The following NRXN1 variants were observed in gnomAD, a reference collection of about 807,000 sequenced individuals.
NRXN1 encodes the protein neurexin-1.
NRXN1 carries 39 observed loss-of-function variants against 150.9 expected under a neutral mutation model. That is an observed-to-expected ratio of 0.26 (90% CI 0.20 to 0.34). The LOEUF is 0.34. Ranked by LOEUF, NRXN1 falls within the 10% of genes least tolerant of loss-of-function variation. The pLI is 1.00. For synonymous variants in NRXN1, 924 were observed against 757.0 expected, an observed-to-expected ratio of 1.22 and a Z score of -3.62; for missense variants, 1,815 against 1,949.9, an observed-to-expected ratio of 0.93 and a Z score of 1.30.
Position 50,827,768 on chromosome 2 carries a change from G to C in NRXN1, c.832+94101C>G, listed in dbSNP as rs1025794173. Among the ~76,000 whole-genome samples the C allele has an allele frequency of 2.0e-5, 3 of 151,410 alleles. No homozygotes were observed. The South Asian group carries it at 6.3e-4, about 32-fold the overall frequency. On this transcript the variant is annotated intron_variant, in intron 5 of 22. Coordinates refer to ENST00000401669, the MANE Select transcript of NRXN1 (RefSeq NM_001330078.2). ...GACCCTGCGGCCTTCCGCAGTGTTT[G>C]TGTCCCTGGGTACTTGAGATTAGGG...
At chr2:50,908,421 CAGA>C (rs779872328) in intron 5 of NRXN1, among the ~76,000 whole-genome samples, 2 of 150,888 alleles carry the variant, frequency 1.3e-5, no homozygotes, top group Non-Finnish European at 3.0e-5. Context: ...ATGGCATTAA[CAGA>C]AGTATTATTT....
chr2:49,955,203 T>A (rs1400774546), intron 21 of NRXN1, among the ~76,000 whole-genome samples: 2 of 152,150 alleles, frequency 1.3e-5, no homozygotes, highest in African/African-American at 4.8e-5. Flanking sequence ...ATTGTCACAA[T>A]TGCTCATTTA....
At chr2:50,863,306 T>C (rs1407670296) in intron 5 of NRXN1, among the ~76,000 whole-genome samples, 1 of 152,024 alleles carries the variant, frequency 6.6e-6, no homozygotes, top group Non-Finnish European at 1.5e-5. Context: ...CTAAGATAAA[T>C]TATTACACCA....
intron 5 of NRXN1, among the ~76,000 whole-genome samples, chr2:50,823,997 A>T (rs1355718860): frequency 6.6e-6 from 1 of 152,202 alleles, no homozygotes; most frequent in East Asian, 1.9e-4. Context: ...TGCCTCACAC[A>T]CACAATGAAC....
At chr2:50,705,094 C>A (rs888384671) in intron 5 of NRXN1, among the ~76,000 whole-genome samples, 1 of 150,726 alleles carries the variant, frequency 6.6e-6, no homozygotes, top group Non-Finnish European at 1.5e-5. Context: ...CCAGGAACTG[C>A]CGATTTCTAG....
At chr2:50,865,258 G>A (rs1676716278) in intron 5 of NRXN1, among the ~76,000 whole-genome samples, 2 of 151,934 alleles carry the variant, frequency 1.3e-5, no homozygotes, top group African/African-American at 2.4e-5. Flanking sequence ...GGGAAAGGAA[G>A]CTCTTAGACT....
At chr2:50,209,696 T>C (rs902849298) in intron 18 of NRXN1, among the ~76,000 whole-genome samples, 1 of 152,082 alleles carries the variant, frequency 6.6e-6, no homozygotes, top group African/African-American at 2.4e-5. Flanking sequence ...AAATAAGACA[T>C]GTTTCAATAA....
chr2:50,260,771 A>G (rs1406549582), intron 17 of NRXN1, among the ~76,000 whole-genome samples: 4 of 151,474 alleles, frequency 2.6e-5, no homozygotes, highest in African/African-American at 9.7e-5. Flanking sequence ...GAAGAACTAA[A>G]CCATAGCAGC....
chr2:50,166,614 T>C (rs1305445111), intron 18 of NRXN1, among the ~76,000 whole-genome samples: 4 of 152,176 alleles, frequency 2.6e-5, no homozygotes, highest in Non-Finnish European at 5.9e-5. Flanking sequence ...GTTTTTTGGC[T>C]ACTAACTTTG....
At position 50,424,871 on chromosome 2, in the gene NRXN1, C is replaced by T. The variant is rs60671452; in HGVS notation, c.3364+40571G>A. 3.1e-3 allele frequency among the ~76,000 whole-genome samples: 468 copies of T among 152,052 alleles called. 6 individuals are homozygous for T. The highest frequency in any genetic ancestry group is 0.014 in the Middle Eastern group (4 of 294). ...TTAATACCAGTAATATCAGTTATTT[C>T]GTATTGCATAATATTTTTCTGTTAA... On this transcript the variant is annotated intron_variant, in intron 17 of 22. Coordinates refer to ENST00000401669, the MANE Select transcript of NRXN1 (RefSeq NM_001330078.2).
At chr2:50,071,934 A>T (rs1379859119) in intron 19 of NRXN1, among the ~76,000 whole-genome samples, 1 of 152,194 alleles carries the variant, frequency 6.6e-6, no homozygotes, top group Admixed American at 6.5e-5. Flanking sequence ...TTTTGCTGCA[A>T]ATTGTAATAT....
At position 51,027,843 on chromosome 2, in the gene NRXN1, C is replaced by T. The variant is rs2105330436; in HGVS notation, c.431G>A (p.Arg144His). 3 of 1,613,334 alleles carry T rather than the reference C, an allele frequency of 1.9e-6. No individual in the cohort carries two copies. Among genetic ancestry groups the T allele is most frequent in the Non-Finnish European group, 2.5e-6 (3 of 1,179,714 alleles). The change falls in exon 2 of 23, where the codon CGC becomes CAC. Residue 144 changes from arginine (R) to histidine (H), a missense_variant. Transcript: ENST00000401669. ...GCCGCTGAACACCGTCATGTCCCTGCGCTTGGACTTGACCTCCACCCACTT... is the reference window on the plus strand; with the variant it reads ...GCCGCTGAACACCGTCATGTCCCTGTGCTTGGACTTGACCTCCACCCACTT... ...EAKWVEVKSK[R>H]RDMTVFSGLF... is the part of the protein sequence containing the mutation.
intron 21 of NRXN1, among the ~76,000 whole-genome samples, chr2:50,005,727 T>A (rs1160388689): frequency 6.6e-6 from 1 of 152,122 alleles, no homozygotes; most frequent in African/African-American, 2.4e-5. Context: ...TGCTCAAAAT[T>A]ATTCACTTCC....
chr2:51,028,047 C>G lies in NRXN1; in HGVS notation c.227G>C (p.Cys76Ser), dbSNP rs1670875562. ...CGTCAGAATCAGCTCCAGGAAGTCG[C>G]AGAAGCCCTCGTCGTCGAAGTAGAG... The part of the protein sequence containing the change: ...LVLYFDDEGF[C>S]DFLELILTRG... The change falls in exon 2 of 23, where the codon TGC becomes TCC. Residue 76 changes from cysteine (C) to serine (S), a missense_variant. By Grantham distance (112) the Cys-to-Ser change is moderately radical. Around this residue, in one of 6 missense-constraint regions of NRXN1, gnomAD observed 554 missense variants for 478.8 expected, o/e 1.16. Transcript: ENST00000401669. 1 of 1,598,820 alleles carries G rather than the reference C, an allele frequency of 6.3e-7. No homozygotes were observed. Among genetic ancestry groups the G allele is most frequent in the Non-Finnish European group, 8.5e-7 (1 of 1,176,542 alleles).
intron 19 of NRXN1, among the ~76,000 whole-genome samples, chr2:50,059,741 G>A (rs963929484): frequency 1.3e-5 from 2 of 152,202 alleles, no homozygotes; most frequent in Non-Finnish European, 2.9e-5. Context: ...GTGGCTAAAA[G>A]GGGCAAATGT....
At chr2:50,050,750 G>C (rs1450817444) in intron 21 of NRXN1, among the ~76,000 whole-genome samples, 1 of 150,316 alleles carries the variant, frequency 6.7e-6, no homozygotes, top group Non-Finnish European at 1.5e-5. Flanking sequence ...AAATTATTCT[G>C]TCACTCAAAT....
chr2:50,293,108 C>A (rs944634315), intron 17 of NRXN1, among the ~76,000 whole-genome samples: 2 of 152,136 alleles, frequency 1.3e-5, no homozygotes, highest in African/African-American at 4.8e-5. Flanking sequence ...TCAAATATTG[C>A]TGGCTTTCTG....
intron 18 of NRXN1, among the ~76,000 whole-genome samples, chr2:50,144,586 C>A (rs547299128): frequency 6.6e-6 from 1 of 151,780 alleles, no homozygotes; most frequent in African/African-American, 2.4e-5. Context: ...AAAGAAGAAG[C>A]CAATTTCATC....
chr2:50,016,865 T>C (rs1686716171), intron 21 of NRXN1, among the ~76,000 whole-genome samples: 1 of 152,184 alleles, frequency 6.6e-6, no homozygotes, highest in Non-Finnish European at 1.5e-5. Flanking sequence ...CAAGACATTC[T>C]ACAATGAAGT....
Sources: gnomAD v4.1 joint callset for allele counts (sites outside exome capture counted in the v4.1 genomes callset) on GRCh38, gnomAD v4.1.1 for gene constraint, gnomAD v4.1.1 regional missense constraint, MANE v1.5 for transcripts, NCBI Gene and HGNC (gene_info 2026-07-23, HGNC 2026-07-21) for gene names.